The following ITPKB variants were observed in gnomAD, a reference collection of about 807,000 sequenced individuals.
ITPKB encodes the protein IP3 3-kinase B.
A neutral mutation model predicts 69.4 loss-of-function variants in ITPKB; 13 were observed. That is an observed-to-expected ratio of 0.19 (90% CI 0.12 to 0.30). The LOEUF is 0.30. ITPKB is among the 10% of genes least tolerant of loss of function. The probability of loss-of-function intolerance (pLI) is 1.00; values close to 1 mark genes in which losing one functional copy is unlikely to be tolerated. For synonymous variants in ITPKB, 584 were observed against 513.7 expected, an observed-to-expected ratio of 1.14 and a Z score of -1.85; for missense variants, 1,240 against 1,250.5, an observed-to-expected ratio of 0.99 and a Z score of 0.13.
chr1:226,639,966 G>A (rs1668923356), intron 5 of ITPKB, among the ~76,000 whole-genome samples: 1 of 152,186 alleles, frequency 6.6e-6, no homozygotes, highest in Non-Finnish European at 1.5e-5. Flanking sequence ...ATGACCCGGG[G>A]CTGGCCTGTC....
chr1:226,653,273 C>T (rs1378840401), intron 2 of ITPKB, among the ~76,000 whole-genome samples: 3 of 152,346 alleles, frequency 2.0e-5, no homozygotes, highest in South Asian at 2.1e-4. Context: ...CACCCACTTC[C>T]GTGCCTATCA....
intron 2 of ITPKB, among the ~76,000 whole-genome samples, chr1:226,720,491 T>C (rs976225281): frequency 3.3e-5 from 5 of 152,262 alleles, no homozygotes; most frequent in African/African-American, 1.2e-4. Context: ...CTGCCATTGA[T>C]CAGCTGTGGG....
intron 2 of ITPKB, among the ~76,000 whole-genome samples, chr1:226,701,075 G>A (rs1656625673): frequency 6.6e-6 from 1 of 152,178 alleles, no homozygotes; most frequent in African/African-American, 2.4e-5. Context: ...GCTACCCAAT[G>A]ACACTGATTC....
At chr1:226,696,012 T>C (rs920093365) in intron 2 of ITPKB, among the ~76,000 whole-genome samples, 3 of 152,184 alleles carry the variant, frequency 2.0e-5, no homozygotes, top group African/African-American at 7.2e-5. Context: ...TTCACTTACA[T>C]GCTATGCTGC....
At chr1:226,696,860 G>A (rs531657858) in intron 2 of ITPKB, among the ~76,000 whole-genome samples, 8 of 152,274 alleles carry the variant, frequency 5.3e-5, no homozygotes, top group South Asian at 4.1e-4. Context: ...TGCAGCACCC[G>A]ACTAGGGGCC....
chr1:226,682,353 G>A (rs563222549), intron 2 of ITPKB, among the ~76,000 whole-genome samples: 6 of 152,332 alleles, frequency 3.9e-5, no homozygotes, highest in African/African-American at 1.2e-4. Flanking sequence ...GGGTTCTTGA[G>A]AACAGAGAAT....
intron 6 of ITPKB, among the ~76,000 whole-genome samples, chr1:226,639,274 T>A (rs1231891446): frequency 6.6e-6 from 1 of 152,132 alleles, no homozygotes; most frequent in Non-Finnish European, 1.5e-5. Context: ...GCCAGGCTGG[T>A]CTCAAACTTC....
At chr1:226,689,481 G>T (rs1261974728) in intron 2 of ITPKB, among the ~76,000 whole-genome samples, 1 of 152,102 alleles carries the variant, frequency 6.6e-6, no homozygotes, top group East Asian at 1.9e-4. Flanking sequence ...ATACAACAAG[G>T]TGTCTCCCTG....
At chr1:226,701,738 A>G (rs1330554778) in intron 2 of ITPKB, among the ~76,000 whole-genome samples, 1 of 152,028 alleles carries the variant, frequency 6.6e-6, no homozygotes, top group Non-Finnish European at 1.5e-5. Flanking sequence ...GGGGTGGGAC[A>G]GTCTTCCCAA....
intron 2 of ITPKB, among the ~76,000 whole-genome samples, chr1:226,693,866 T>G (rs1656415711): frequency 6.6e-6 from 1 of 152,246 alleles, no homozygotes; most frequent in Non-Finnish European, 1.5e-5. Flanking sequence ...AGAATTCAAA[T>G]GATCCATGCG....
intron 2 of ITPKB, among the ~76,000 whole-genome samples, chr1:226,719,294 T>C (rs1307447391): frequency 6.6e-6 from 1 of 152,090 alleles, no homozygotes; most frequent in Non-Finnish European, 1.5e-5. Flanking sequence ...AAATTGAATC[T>C]GAATCTCTGA....
At chr1:226,694,049 A>G (rs1163463716) in intron 2 of ITPKB, among the ~76,000 whole-genome samples, 2 of 152,238 alleles carry the variant, frequency 1.3e-5, no homozygotes, top group African/African-American at 4.8e-5. Flanking sequence ...GAAGCTTCAG[A>G]CTGGCAAACA....
intron 7 of ITPKB, among the ~76,000 whole-genome samples, chr1:226,635,158 T>C (rs1668805384): frequency 6.6e-6 from 1 of 152,096 alleles, no homozygotes. Context: ...CTGCACACTT[T>C]CCACTCCTTC....
At chr1:226,659,219 G>A (rs924688372) in intron 2 of ITPKB, among the ~76,000 whole-genome samples, 16 of 152,108 alleles carry the variant, frequency 1.1e-4, no homozygotes, top group African/African-American at 3.9e-4. Flanking sequence ...TGGCACCCAG[G>A]GGCCCTCCAT....
rs1266736777 is a variant in ITPKB at position 226,735,550 on chromosome 1, G to T, written c.1909C>A (p.Leu637Met). The stretch of plus-strand genomic sequence containing the variant: ...ACCACTCTAGGTTTCTGCTGGTCCA[G>T]GGTATGCAGGAAGGCTGAGTTGGGG... ...LDPNSAFLHT[L>M]DQQKPRVSKS... Residue 637 changes from leucine to methionine, a missense_variant, in exon 2 of 8, where the codon CTG becomes ATG. This residue lies in a region of ITPKB where 992 missense variants were observed against 853.8 expected (regional missense o/e 1.16). Transcript: ENST00000429204. The T allele has an allele frequency of 2.6e-6, 4 of 1,538,782 alleles. No individual in the cohort carries two copies. In the African/African-American group the frequency reaches 5.5e-5, roughly 21 times the overall value.
At chr1:226,729,398 C>T (rs1657520794) in intron 2 of ITPKB, among the ~76,000 whole-genome samples, 1 of 146,866 alleles carries the variant, frequency 6.8e-6, no homozygotes, top group Admixed American at 7.0e-5. Flanking sequence ...GGGAGAATTG[C>T]TTGAATCCGG....
Position 226,634,869 on chromosome 1 carries a change from G to A in ITPKB, c.2643C>T (p.Leu881=). 1 of 1,613,690 alleles carries A rather than the reference G, an allele frequency of 6.2e-7. No homozygotes were observed. The highest frequency in any genetic ancestry group is 8.5e-7 in the Non-Finnish European group (1 of 1,179,806). ...GTTCCTTCTTGTCGTGGATGAAGAG[G>A]AGGGAGCTGCCAATGACCTGAGGAG... is the stretch of plus-strand genomic sequence containing the variant. ...FKCHEVIGSS[L]LFIHDKKEQA... Residue 881 remains leucine, a synonymous_variant, in exon 8 of 8, where the codon CTC becomes CTT. Transcript: ENST00000429204. The surrounding 1 kb of genome is among the most constrained non-coding windows in gnomAD (Gnocchi z 6.3).
At chr1:226,679,743 A>C (rs959281332) in intron 2 of ITPKB, among the ~76,000 whole-genome samples, 1 of 152,208 alleles carries the variant, frequency 6.6e-6, no homozygotes, top group Non-Finnish European at 1.5e-5. Flanking sequence ...ATTTCTTTAT[A>C]GTTTTCTGTA....
chr1:226,701,927 C>T (rs1232877995), intron 2 of ITPKB, among the ~76,000 whole-genome samples: 1 of 152,200 alleles, frequency 6.6e-6, no homozygotes, highest in African/African-American at 2.4e-5. Flanking sequence ...TCATTCACGG[C>T]TCCCTTAACA....
Sources: gnomAD v4.1 joint callset for allele counts (sites outside exome capture counted in the v4.1 genomes callset) on GRCh38, gnomAD v4.1.1 for gene constraint, gnomAD v4.1.1 regional missense constraint, Gnocchi (gnomAD v3.1) non-coding constraint, MANE v1.5 for transcripts, NCBI Gene and HGNC (gene_info 2026-07-23, HGNC 2026-07-21) for gene names.